The following CLCN5 variants were observed in gnomAD, a reference collection of about 807,000 sequenced individuals.
The protein encoded by CLCN5 is H(+)/Cl(-) exchange transporter 5.
In CLCN5, 17 loss-of-function variants were observed where a neutral mutation model predicts 54.0. That is an observed-to-expected ratio of 0.31 (90% CI 0.22 to 0.47). The LOEUF is 0.47. CLCN5 is among the 20% of genes least tolerant of loss of function. CLCN5 has a pLI of 1.00. For synonymous variants in CLCN5, 222 were observed against 233.0 expected (o/e 0.95, Z 0.43); for missense variants, 448 against 646.7 (o/e 0.69, Z 3.33).
At chrX:49,991,398 AT>A (rs1929254604) in intron 3 of CLCN5, among the ~76,000 whole-genome samples, 1 of 110,379 alleles carries the variant, frequency 9.1e-6, no homozygotes, top group African/African-American at 3.3e-5. Context: ...TTTTGAGGGG[AT>A]TATTATTTTT....
chrX:49,999,664 G>A (rs1327759511), intron 3 of CLCN5, among the ~76,000 whole-genome samples: 5 of 111,233 alleles, frequency 4.5e-5, no homozygotes, highest in Non-Finnish European at 7.5e-5. Flanking sequence ...AGGATGGTGG[G>A]CAGTTTCTAA....
chrX:49,973,460 C>T (rs1254877152), intron 3 of CLCN5, among the ~76,000 whole-genome samples: 2 of 108,718 alleles, frequency 1.8e-5, no homozygotes, highest in Non-Finnish European at 3.8e-5. Context: ...GTGTGCTGCA[C>T]CCATTAACTC....
chrX:49,952,433 T>C (rs782601279), intron 3 of CLCN5, among the ~76,000 whole-genome samples: 6 of 110,256 alleles, frequency 5.4e-5, no homozygotes, highest in Non-Finnish European at 7.6e-5. Flanking sequence ...AAAGAACCTA[T>C]ACCCTTAAGT....
At chrX:50,065,778 A>G (rs1465134691) in intron 4 of CLCN5, among the ~76,000 whole-genome samples, 4 of 104,325 alleles carry the variant, frequency 3.8e-5, no homozygotes, top group Admixed American at 3.2e-4. Flanking sequence ...TCCAACAATG[A>G]TAGACTGGAT....
intron 3 of CLCN5, among the ~76,000 whole-genome samples, chrX:49,937,138 A>T (rs960110591): frequency 5.4e-5 from 6 of 111,403 alleles, no homozygotes; most frequent in Non-Finnish European, 9.4e-5. Flanking sequence ...TTTAAGTGAA[A>T]AAAGGGGTGC....
At chrX:49,939,801 C>G (rs1557170422) in intron 3 of CLCN5, among the ~76,000 whole-genome samples, 1 of 111,450 alleles carries the variant, frequency 9.0e-6, no homozygotes. Context: ...GCCCGGTAGT[C>G]TAACTTTGTC....
rs192249584 is a variant in CLCN5, at chrX:49,953,998, A to C, written c.16+28684A>C. ...TATTATTGACAGTTCTTTATTGGGCACTTTTAAATTTATTTATAAGTTATT... is the reference window on the plus strand; with the variant it reads ...TATTATTGACAGTTCTTTATTGGGCCCTTTTAAATTTATTTATAAGTTATT... On this transcript the variant is annotated intron_variant, in intron 3 of 14. Coordinates refer to ENST00000376091, the MANE Select transcript of CLCN5 (RefSeq NM_001127898.4). Among the ~76,000 whole-genome samples the C allele has an allele frequency of 3.6e-5, 4 of 110,747 alleles. No homozygotes were observed. The East Asian group carries it at 1.1e-3, about 31-fold the overall frequency.
intron 4 of CLCN5, among the ~76,000 whole-genome samples, chrX:50,059,536 A>T (rs1328060637): frequency 8.9e-6 from 1 of 111,778 alleles, no homozygotes; most frequent in Admixed American, 9.5e-5. Flanking sequence ...TTTCACAATA[A>T]TATCAATTGA....
chrX:50,050,017 T>G (rs1354660367), intron 4 of CLCN5, among the ~76,000 whole-genome samples: 2 of 112,156 alleles, frequency 1.8e-5, no homozygotes, highest in African/African-American at 6.5e-5. Flanking sequence ...CATGTCTTTG[T>G]GTGGATTTAT....
intron 3 of CLCN5, among the ~76,000 whole-genome samples, chrX:49,951,732 A>T (rs782471366): frequency 8.9e-6 from 1 of 112,033 alleles, no homozygotes; most frequent in Non-Finnish European, 1.9e-5. Flanking sequence ...GGTCCCCTCT[A>T]TACTCAAAGG....
chrX:49,927,209 A>T (rs907009255), intron 3 of CLCN5, among the ~76,000 whole-genome samples: 1 of 112,140 alleles, frequency 8.9e-6, no homozygotes, highest in African/African-American at 3.2e-5. Flanking sequence ...TTTTCTCTGT[A>T]GTTAATGGAA....
intron 3 of CLCN5, among the ~76,000 whole-genome samples, chrX:49,935,132 T>C (rs946397099): frequency 2.7e-5 from 3 of 111,957 alleles, no homozygotes; most frequent in Non-Finnish European, 5.6e-5. Context: ...TACATTCCTC[T>C]GTATTGAATA....
At chrX:49,976,092 A>G (rs1485302884) in intron 3 of CLCN5, among the ~76,000 whole-genome samples, 1 of 111,937 alleles carries the variant, frequency 8.9e-6, no homozygotes, top group African/African-American at 3.2e-5. Flanking sequence ...ATCCTGGCCT[A>G]ATCTTGCTTA....
intron 4 of CLCN5, among the ~76,000 whole-genome samples, chrX:50,056,844 C>T (rs1357001383): frequency 8.9e-6 from 1 of 112,124 alleles, no homozygotes; most frequent in Non-Finnish European, 1.9e-5. Context: ...GCCCAACCTT[C>T]CTGTTTTTTT....
chrX:50,018,672 C>T (rs948101484), intron 3 of CLCN5, among the ~76,000 whole-genome samples: 35 of 111,795 alleles, frequency 3.1e-4, no homozygotes, highest in Admixed American at 2.5e-3. Context: ...ATGGGTGTTG[C>T]GTATTGTCAA....
chrX:50,098,465 G>A lies in CLCN5; in HGVS notation c.*6246G>A, dbSNP rs1934330938. 1 of 112,888 alleles carries A rather than the reference G, an allele frequency of 8.9e-6. No individual in the cohort carries two copies. Among genetic ancestry groups the A allele is most frequent in the African/African-American group, 3.2e-5 (1 of 31,021 alleles). The allele number at this position is 112,888 out of a possible 1,213,427, so 9.3% of individuals were successfully genotyped here. ...AGGAAGATCAGAGGGGCTGGGTTCC[G>A]GCCCATGGGCCACTATTTGAATTTC... is the stretch of plus-strand genomic sequence containing the variant. On this transcript the variant is annotated 3_prime_UTR_variant, in exon 15 of 15. Transcript: ENST00000376091.
At chrX:50,034,292 A>T (rs782548158) in intron 3 of CLCN5, among the ~76,000 whole-genome samples, 71 of 111,918 alleles carry the variant, frequency 6.3e-4, no homozygotes, top group African/African-American at 2.3e-3. Flanking sequence ...AGGTGATTTT[A>T]TGTGTGTGTC....
intron 7 of CLCN5, among the ~76,000 whole-genome samples, chrX:50,079,567 G>C (rs1933590625): frequency 8.9e-6 from 1 of 111,768 alleles, no homozygotes; most frequent in African/African-American, 3.3e-5. Context: ...TTTATCACAG[G>C]GGAATAGTCT....
intron 3 of CLCN5, among the ~76,000 whole-genome samples, chrX:49,951,708 A>G (rs1423872704): frequency 4.5e-5 from 5 of 112,117 alleles, no homozygotes; most frequent in African/African-American, 1.3e-4. Context: ...AAAGATGGAT[A>G]GGATTTCAGT....
Sources: allele counts gnomAD v4.1 joint callset (sites outside exome capture counted in the v4.1 genomes callset), GRCh38; gene constraint gnomAD v4.1.1; transcripts MANE v1.5; gene names NCBI Gene and HGNC (gene_info 2026-07-23, HGNC 2026-07-21).